Variants in SOX6 observed in about 807,000 individuals in gnomAD.
SOX6 encodes the protein SRY-box transcription factor 6.
Under a neutral mutation model 97.8 loss-of-function variants are expected in SOX6, and 11 were observed. The observed-to-expected ratio is 0.11, with a 90% confidence interval of 0.07 to 0.19. SOX6 has a LOEUF of 0.19. SOX6 is among the 10% of genes least tolerant of loss of function. The pLI, the probability that SOX6 is intolerant of heterozygous loss-of-function variation, is 1.00. For synonymous variants in SOX6, 360 were observed against 371.4 expected (o/e 0.97, Z 0.35); for missense variants, 810 against 1,039.5 (o/e 0.78, Z 3.04).
intron 10 of SOX6, among the ~76,000 whole-genome samples, chr11:16,051,975 C>T (rs758226259): frequency 6.6e-6 from 1 of 150,636 alleles, no homozygotes; most frequent in South Asian, 2.1e-4. Context: ...TGTTGCTAAA[C>T]CCATCTAGTA....
At chr11:16,204,793 A>T (rs1852030559) in intron 4 of SOX6, among the ~76,000 whole-genome samples, 1 of 152,168 alleles carries the variant, frequency 6.6e-6, no homozygotes, top group Non-Finnish European at 1.5e-5. Flanking sequence ...CAAAGAGATC[A>T]TTCAACCCCC....
chr11:16,222,184 A>G (rs1273191316), intron 4 of SOX6, among the ~76,000 whole-genome samples: 1 of 152,070 alleles, frequency 6.6e-6, no homozygotes, highest in African/African-American at 2.4e-5. Flanking sequence ...ATGTAAACCA[A>G]TGCCACTCTT....
chr11:16,543,404 T>TA (rs143482970), intron 4 of SOX6, among the ~76,000 whole-genome samples: 33,850 of 145,278 alleles, frequency 0.23, 4,585 homozygotes, highest in Non-Finnish European at 0.31. Context: ...TCTAAGCCAG[T>TA]AAAAAAAAAA....
rs548402969 is a variant in SOX6, at chr11:16,588,891, C to A, written n.609+23190G>T. On this transcript the variant is annotated intron_variant and non_coding_transcript_variant, in intron 4 of 5. Coordinates refer to the SOX6 transcript ENST00000524520. ...TTTAAAAATTAAAAAATCAGCACAG[C>A]ATGGTGGCCTATCATCCCAGCACTT... Among the ~76,000 whole-genome samples the A allele has an allele frequency of 7.2e-5, 11 of 152,086 alleles. No homozygotes were observed. The East Asian group carries it at 2.1e-3, about 29-fold the overall frequency.
At chr11:16,326,481 G>A (rs1372671133) in intron 2 of SOX6, among the ~76,000 whole-genome samples, 1 of 151,610 alleles carries the variant, frequency 6.6e-6, no homozygotes, top group African/African-American at 2.4e-5. Flanking sequence ...CAAATCCAAT[G>A]TTTTTTCTAA....
At chr11:16,286,165 A>G (rs537410306) in intron 3 of SOX6, among the ~76,000 whole-genome samples, 9 of 152,238 alleles carry the variant, frequency 5.9e-5, no homozygotes, top group African/African-American at 2.2e-4. Context: ...GAATAAGAGA[A>G]TGTCTTTTAC....
chr11:16,458,768 C>CA (rs1005795590), intron 1 of SOX6, among the ~76,000 whole-genome samples: 19 of 151,876 alleles, frequency 1.3e-4, no homozygotes, highest in African/African-American at 4.1e-4. Flanking sequence ...CAGGAAGCAG[C>CA]AAAAAAATAG....
chr11:15,994,436 A>C lies in SOX6; in HGVS notation c.1733-5206T>G, dbSNP rs1590115847. Among the ~76,000 whole-genome samples the C allele has an allele frequency of 6.4e-5, 3 of 46,568 alleles. No homozygotes were observed. In the Admixed American group the frequency reaches 9.0e-4, roughly 14 times the overall value. The allele number at this position is 46,568 out of a possible 152,430, so 30.6% of individuals were successfully genotyped here. Reference sequence around the variant, plus strand: ...AGCTGGCGATGGCTTGGGTTTATGTAAAAAAAAAAAAAAAGGGGAGTATAA... The same window carrying C: ...AGCTGGCGATGGCTTGGGTTTATGTCAAAAAAAAAAAAAAGGGGAGTATAA... On this transcript the variant is annotated intron_variant, in intron 13 of 15. Transcript: ENST00000683767.
At chr11:16,465,161 C>T (rs987184911) in intron 1 of SOX6, among the ~76,000 whole-genome samples, 2 of 152,140 alleles carry the variant, frequency 1.3e-5, no homozygotes, top group African/African-American at 2.4e-5. Context: ...CTTGTTTATA[C>T]CCACACTTTT....
At chr11:16,154,704 A>G (rs1198969226) in intron 6 of SOX6, among the ~76,000 whole-genome samples, 1 of 152,174 alleles carries the variant, frequency 6.6e-6, no homozygotes, top group African/African-American at 2.4e-5. Context: ...CAAAATAAGA[A>G]TTATTGTAAT....
chr11:16,105,446 T>C (rs774049795), intron 7 of SOX6, among the ~76,000 whole-genome samples: 1 of 152,086 alleles, frequency 6.6e-6, no homozygotes, highest in Non-Finnish European at 1.5e-5. Context: ...CACGTGCCTA[T>C]AGTCCCAGCT....
intron 2 of SOX6, among the ~76,000 whole-genome samples, chr11:16,720,714 T>C (rs1166139798): frequency 6.7e-6 from 1 of 150,002 alleles, no homozygotes; most frequent in Admixed American, 6.6e-5. Flanking sequence ...AAAAGAAAGA[T>C]GCACACAAAA....
intron 3 of SOX6, among the ~76,000 whole-genome samples, chr11:16,711,822 G>GCAGT (rs1300994517): frequency 6.6e-6 from 1 of 151,956 alleles, no homozygotes; most frequent in Non-Finnish European, 1.5e-5. Flanking sequence ...CATCACCTAA[G>GCAGT]CAGTATACAC....
intron 9 of SOX6, among the ~76,000 whole-genome samples, chr11:16,078,686 C>T (rs1399947482): frequency 6.6e-6 from 1 of 152,000 alleles, no homozygotes; most frequent in African/African-American, 2.4e-5. Context: ...GTGATATGTG[C>T]TATGAAATAT....
At chr11:16,173,476 A>G (rs1238426684) in intron 6 of SOX6, among the ~76,000 whole-genome samples, 3 of 151,586 alleles carry the variant, frequency 2.0e-5, no homozygotes, top group Non-Finnish European at 2.9e-5. Context: ...TTTGTAATAC[A>G]CTCTATATAT....
intron 4 of SOX6, among the ~76,000 whole-genome samples, chr11:16,503,255 G>GAA (rs796283151): frequency 7.2e-6 from 1 of 138,108 alleles, no homozygotes; most frequent in African/African-American, 2.7e-5. Flanking sequence ...CTACCACCAT[G>GAA]AAAAAAAAAA....
rs150352664 is a variant in SOX6, at chr11:16,533,602, G to T, written n.610-57214C>A. 8.9e-4 allele frequency among the ~76,000 whole-genome samples: 135 copies of T among 152,006 alleles called. 1 individual carries two copies. The East Asian group carries it at 0.022, about 25-fold the overall frequency. On this transcript the variant is annotated intron_variant and non_coding_transcript_variant, in intron 4 of 5. Transcript: ENST00000524520. ...GTTTTAAAGATTATATACCCTCATT[G>T]AAAATATGAAATTTTGTCTTCTGAA...
At chr11:16,065,746 C>T (rs555747926) in intron 9 of SOX6, among the ~76,000 whole-genome samples, 5 of 152,020 alleles carry the variant, frequency 3.3e-5, no homozygotes, top group South Asian at 4.1e-4. Flanking sequence ...TAGCCTTATA[C>T]AAAAATCAAA....
Position 15,966,522 on chromosome 11 carries a change from TAGGGTAGAG to T in SOX6, c.*6278_*6286del, listed in dbSNP as rs1407156237. Reference sequence around the variant, plus strand: ...AAAGATGGAGTGATGACAACTAGATTAGGGTAGAGAGGACAGTCTTGAGGTAAATGAGCA... The same window carrying T: ...AAAGATGGAGTGATGACAACTAGATTAGGACAGTCTTGAGGTAAATGAGCA... On this transcript the variant is annotated 3_prime_UTR_variant, in exon 16 of 16. Transcript: ENST00000683767. The T allele has an allele frequency of 1.3e-5, 2 of 152,168 alleles. No homozygotes were observed. The highest frequency in any genetic ancestry group is 2.9e-5 in the Non-Finnish European group (2 of 68,070). 9.4% of individuals were successfully genotyped at this position (152,168 alleles called of 1,614,324 possible). A position where few individuals can be genotyped will look rare whatever the true frequency, so the allele number is the denominator to read the frequency against.
Sources: gnomAD v4.1 joint callset for allele counts (sites outside exome capture counted in the v4.1 genomes callset) on GRCh38, gnomAD v4.1.1 for gene constraint, MANE v1.5 for transcripts, NCBI Gene and HGNC (gene_info 2026-07-23, HGNC 2026-07-21) for gene names.